IGF1: variants seen among roughly 807,000 people sequenced by gnomAD.
The protein encoded by IGF1 is insulin-like growth factor 1.
IGF1 carries 4 observed loss-of-function variants against 13.8 expected under a neutral mutation model. The observed-to-expected ratio is 0.29, with a 90% CI of 0.14 to 0.66. IGF1 has a LOEUF of 0.66. Among genes scored for constraint, IGF1 ranks in the 30% least tolerant of loss-of-function variants. IGF1 has a pLI of 0.78. For missense variants in IGF1, 124 were observed against 188.5 expected (o/e 0.66, Z 2.00); for synonymous variants, 76 against 72.6 (o/e 1.05, Z -0.23).
chr12:102,427,075 A>G (rs1351301160), intron 2 of IGF1, among the ~76,000 whole-genome samples: 2 of 152,228 alleles, frequency 1.3e-5, no homozygotes, highest in African/African-American at 4.8e-5. Flanking sequence ...GTTACCCAGT[A>G]TACAGTGTCA....
intron 2 of IGF1, among the ~76,000 whole-genome samples, chr12:102,464,149 A>G (rs956609011): frequency 1.3e-5 from 2 of 152,080 alleles, no homozygotes; most frequent in African/African-American, 4.8e-5. Context: ...AACTGAGTGG[A>G]GGTTCTGTTC....
At chr12:102,468,989 G>C (rs1286019387) in intron 2 of IGF1, among the ~76,000 whole-genome samples, 1 of 152,190 alleles carries the variant, frequency 6.6e-6, no homozygotes, top group Non-Finnish European at 1.5e-5. Context: ...AAGATGTCTG[G>C]TCAAAGTATT....
chr12:102,442,168 C>T (rs1327397130), intron 2 of IGF1, among the ~76,000 whole-genome samples: 4 of 150,766 alleles, frequency 2.7e-5, no homozygotes, highest in Non-Finnish European at 5.9e-5. Flanking sequence ...AGGCTGGTCT[C>T]GAACTCCTCA....
chr12:102,456,033 C>T (rs1459611009), intron 2 of IGF1, among the ~76,000 whole-genome samples: 5 of 152,092 alleles, frequency 3.3e-5, no homozygotes, highest in African/African-American at 1.2e-4. Context: ...TCATTATGCT[C>T]AGTGTTAATA....
Position 102,418,267 on chromosome 12 carries a change from G to T in IGF1, c.402+1242C>A, listed in dbSNP as rs553445571. On this transcript the variant is annotated intron_variant, in intron 3 of 3. Coordinates refer to ENST00000337514, the MANE Select transcript of IGF1 (RefSeq NM_000618.5). The stretch of plus-strand genomic sequence containing the variant: ...AATCTGCCTTTGCCCCAGCAAGCAC[G>T]CTTTCCTGCCACATTCACCTAAAAG... Among the ~76,000 whole-genome samples, 31 of 152,334 alleles carry T rather than the reference G, an allele frequency of 2.0e-4. No homozygotes were observed. The South Asian group carries it at 3.9e-3, about 19-fold the overall frequency.
At chr12:102,454,586 T>A (rs1283550865) in intron 2 of IGF1, among the ~76,000 whole-genome samples, 4 of 152,204 alleles carry the variant, frequency 2.6e-5, no homozygotes, top group African/African-American at 9.7e-5. Context: ...GGCATGACAC[T>A]CTCCATGAAG....
intron 2 of IGF1, among the ~76,000 whole-genome samples, chr12:102,427,859 G>T (rs1413560633): frequency 6.6e-6 from 1 of 152,094 alleles, no homozygotes; most frequent in African/African-American, 2.4e-5. Context: ...GGGAGGAGAT[G>T]GTTTGGTGTT....
chr12:102,422,434 C>G (rs1875815033), intron 2 of IGF1, among the ~76,000 whole-genome samples: 2 of 152,116 alleles, frequency 1.3e-5, no homozygotes, highest in African/African-American at 4.8e-5. Context: ...TTTAATTCAT[C>G]TTTTGAAGTG....
At chr12:102,444,730 T>C (rs2137112220) in intron 2 of IGF1, among the ~76,000 whole-genome samples, 1 of 152,174 alleles carries the variant, frequency 6.6e-6, no homozygotes, top group South Asian at 2.1e-4. Flanking sequence ...AGCACTGCCC[T>C]AAGTGCCGCG....
At chr12:102,404,005 T>C (rs1400939012) in intron 3 of IGF1, among the ~76,000 whole-genome samples, 1 of 152,222 alleles carries the variant, frequency 6.6e-6, no homozygotes, top group Non-Finnish European at 1.5e-5. Flanking sequence ...TCCTTGAATG[T>C]ATTTAAATTG....
Position 102,401,009 on chromosome 12 carries a change from C to G in IGF1, c.*1498G>C, listed in dbSNP as rs1380279514. 1.3e-5 allele frequency: 2 copies of G among 152,176 alleles called. No individual in the cohort carries two copies. Among genetic ancestry groups the G allele is most frequent in the Admixed American group, 1.3e-4 (2 of 15,274 alleles). 9.4% of individuals were successfully genotyped at this position (152,176 alleles called of 1,614,324 possible). A position where few individuals can be genotyped will look rare whatever the true frequency, so the allele number is the denominator to read the frequency against. ...TTGGCCAGTTATTTGGATAGCTTCA[C>G]TGACAAGAACTGAGATGTCAGGAGC... On this transcript the variant is annotated 3_prime_UTR_variant, in exon 4 of 4. Transcript: ENST00000337514.
intron 2 of IGF1, among the ~76,000 whole-genome samples, chr12:102,437,140 A>G (rs558520907): frequency 6.6e-6 from 1 of 152,344 alleles, no homozygotes; most frequent in East Asian, 1.9e-4. Flanking sequence ...CAGAGGAAAA[A>G]TGACCTCATT....
Position 102,480,516 on chromosome 12 carries a change from C to A in IGF1, c.-135G>T. On this transcript the variant is annotated 5_prime_UTR_variant, in exon 1 of 4. Transcript: ENST00000337514. ...AGGACTTTATTCCATTGCGCAGGCT[C>A]TATCTGCTCTGAATTTAGCAGTGAC... The A allele has an allele frequency of 6.5e-7, 1 of 1,528,338 alleles. No homozygotes were observed. The highest frequency in any genetic ancestry group is 2.0e-5 in the Admixed American group (1 of 51,134). The allele number at this position is 1,528,338 out of a possible 1,614,324, so 94.7% of individuals were successfully genotyped here.
At chr12:102,452,802 G>A (rs1018547505) in intron 2 of IGF1, among the ~76,000 whole-genome samples, 5 of 152,300 alleles carry the variant, frequency 3.3e-5, no homozygotes, top group Admixed American at 3.3e-4. Context: ...CGCTTGGGCT[G>A]GAATCTGCCA....
At chr12:102,441,932 T>C (rs763029970) in intron 2 of IGF1, among the ~76,000 whole-genome samples, 22 of 133,102 alleles carry the variant, frequency 1.7e-4, no homozygotes, top group Admixed American at 3.4e-4. Context: ...CTTCTTCTTC[T>C]TCTTCTTCTT....
intron 2 of IGF1, among the ~76,000 whole-genome samples, chr12:102,442,508 AG>A (rs1345035804): frequency 2.0e-5 from 3 of 152,200 alleles, no homozygotes; most frequent in Admixed American, 6.5e-5. Flanking sequence ...TGAAGTGAAA[AG>A]GCATGCTCTT....
At chr12:102,478,663 T>C (rs1881222315) in intron 1 of IGF1, 8 of 1,367,516 alleles carry the variant, frequency 5.9e-6, no homozygotes, top group Non-Finnish European at 7.6e-6. Flanking sequence ...ATTATGAGCC[T>C]GGGTAAACTG....
chr12:102,451,743 G>C (rs1259095685), intron 2 of IGF1, among the ~76,000 whole-genome samples: 2 of 152,138 alleles, frequency 1.3e-5, no homozygotes, highest in Non-Finnish European at 2.9e-5. Flanking sequence ...CAGGAACCCT[G>C]TCAGTTTGGT....
intron 3 of IGF1, among the ~76,000 whole-genome samples, chr12:102,415,077 T>C (rs1874967669): frequency 1.3e-5 from 2 of 152,246 alleles, no homozygotes; most frequent in African/African-American, 2.4e-5. Context: ...ATTCCAAACA[T>C]ACAATACTTG....
Sources: allele counts gnomAD v4.1 joint callset (sites outside exome capture counted in the v4.1 genomes callset), GRCh38; gene constraint gnomAD v4.1.1; transcripts MANE v1.5; gene names NCBI Gene and HGNC (gene_info 2026-07-23, HGNC 2026-07-21).